The following CHID1 variants were observed in gnomAD, a reference collection of about 807,000 sequenced individuals.
The protein encoded by CHID1 is chitinase domain containing 1.
Under a neutral mutation model 55.4 loss-of-function variants are expected in CHID1, and 44 were observed. That is an observed-to-expected ratio of 0.79 (90% CI 0.62 to 1.02). The LOEUF is 1.02. Among genes scored for constraint, CHID1 ranks in the 50% least tolerant of loss-of-function variants. The pLI, the probability that CHID1 is intolerant of heterozygous loss-of-function variation, is 0.00. For missense variants in CHID1, 491 were observed against 515.3 expected (o/e 0.95, Z 0.46); for synonymous variants, 216 against 212.9 (o/e 1.01, Z -0.13).
At chr11:910,552 C>T in intron 1 of CHID1, 1 of 1,069,926 alleles carries the variant, frequency 9.3e-7, no homozygotes, top group South Asian at 1.7e-5. Flanking sequence ...CCCGCTCTCG[C>T]TCACCCTCGC....
rs75813514 is a variant in CHID1 at position 869,158 on chromosome 11, C to T, written c.*700G>A. 10,567 of 152,714 alleles carry T rather than the reference C, an allele frequency of 0.069. 441 individuals carry two copies. The highest frequency in any genetic ancestry group is 0.15 in the South Asian group (706 of 4,826). The allele number at this position is 152,714 out of a possible 1,614,324, so 9.5% of individuals were successfully genotyped here. On this transcript the variant is annotated 3_prime_UTR_variant, in exon 13 of 13. Coordinates refer to ENST00000323578, the MANE Select transcript of CHID1 (RefSeq NM_023947.4). ...TCCCGATATGGCCCACGGGTCCTGC[C>T]GTTGCCCCTCACCATGCTCCCTGAT...
chr11:912,530 GC>G (rs1330372991), upstream of CHID1, among the ~76,000 whole-genome samples: 2 of 152,062 alleles, frequency 1.3e-5, no homozygotes, highest in Non-Finnish European at 2.9e-5. Context: ...GTGCCAATGG[GC>G]CCCGTGTACC....
At chr11:910,704 GC>G in intron 1 of CHID1, 70 bp downstream of exon 1, 1 of 1,258,706 alleles carries the variant, frequency 7.9e-7, no homozygotes, top group Non-Finnish European at 1.0e-6. Flanking sequence ...TGCCCGGCGC[GC>G]CCACTTTGCG....
At chr11:900,193 C>A in intron 5 of CHID1, 83 bp from the exon 6 acceptor site, 2 of 1,099,240 alleles carry the variant, frequency 1.8e-6, no homozygotes, top group Non-Finnish European at 2.7e-6. Flanking sequence ...AAAAAGGCAT[C>A]CCCTTGGCCT....
chr11:901,758 G>A (rs1184897408), intron 4 of CHID1, among the ~76,000 whole-genome samples: 1 of 152,090 alleles, frequency 6.6e-6, no homozygotes, highest in Non-Finnish European at 1.5e-5. Flanking sequence ...AACACTCTGA[G>A]GCACCAACTT....
chr11:884,092 G>T lies in CHID1; in HGVS notation c.779C>A (p.Thr260Asn). The T allele has an allele frequency of 6.2e-7, 1 of 1,614,070 alleles. No homozygotes were observed. Among genetic ancestry groups the T allele is most frequent in the South Asian group, 1.1e-5 (1 of 91,084 alleles). ...CTGATGCGCTGTAGAGTAGTCGTAG[G>T]TCATGAGGCTGAAACCATCCAGCAC... ...APVLDGFSLM[T>N]YDYSTAHQPG... Residue 260 changes from threonine to asparagine, a missense_variant, in exon 9 of 13, where the codon ACC becomes AAC. Thr to Asn is a moderately conservative substitution (Grantham distance 65). Coordinates refer to ENST00000323578, the MANE Select transcript of CHID1 (RefSeq NM_023947.4).
At chr11:908,662 G>A (rs1589913764) in intron 1 of CHID1, 1 of 970,764 alleles carries the variant, frequency 1.0e-6, no homozygotes, top group Non-Finnish European at 1.2e-6. Flanking sequence ...CAGGGAGGAA[G>A]GAAAGGAATG....
At chr11:888,451 T>C (rs969124186) in intron 8 of CHID1, among the ~76,000 whole-genome samples, 1 of 152,164 alleles carries the variant, frequency 6.6e-6, no homozygotes, top group Non-Finnish European at 1.5e-5. Flanking sequence ...CCCAGACACA[T>C]GCGAGAGCCG....
chr11:893,878 T>C (rs1304335797), intron 7 of CHID1, among the ~76,000 whole-genome samples: 1 of 150,048 alleles, frequency 6.7e-6, no homozygotes, highest in Non-Finnish European at 1.5e-5. Context: ...ACGCCGGTAA[T>C]CCCAGCACCT....
chr11:914,583 C>G, upstream of CHID1: 1 of 1,289,328 alleles, frequency 7.8e-7, no homozygotes, highest in Non-Finnish European at 1.0e-6. Context: ...CAAAAGCACT[C>G]GAAGGCTGGG....
intron 2 of CHID1, among the ~76,000 whole-genome samples, chr11:903,461 A>G (rs1302788182): frequency 6.6e-6 from 1 of 152,214 alleles, no homozygotes; most frequent in Admixed American, 6.5e-5. Flanking sequence ...CGGGCACTCC[A>G]GGGCCATACG....
At chr11:889,973 A>G (rs953836076) in intron 8 of CHID1, among the ~76,000 whole-genome samples, 3 of 145,690 alleles carry the variant, frequency 2.1e-5, no homozygotes, top group Admixed American at 6.8e-5. Flanking sequence ...TGCTGCTGGC[A>G]TCCTCGCCCC....
At chr11:879,989 A>T (rs1849787536) in intron 10 of CHID1, among the ~76,000 whole-genome samples, 1 of 152,134 alleles carries the variant, frequency 6.6e-6, no homozygotes, top group Non-Finnish European at 1.5e-5. Flanking sequence ...ATGGTGGGGG[A>T]GGGTGCAGCA....
At chr11:870,642 G>A (rs1378275200) in intron 10 of CHID1, 143 bp from the exon 11 acceptor site, 2 of 634,144 alleles carry the variant, frequency 3.2e-6, no homozygotes, top group Non-Finnish European at 5.7e-6. Flanking sequence ...ACAACACCTG[G>A]TGGGGTGGCC....
At chr11:903,871 G>A in intron 2 of CHID1, 1 of 192,608 alleles carries the variant, frequency 5.2e-6, no homozygotes, top group Non-Finnish European at 1.1e-5. Flanking sequence ...GACCCTGCTG[G>A]CCAACCACTG....
chr11:880,736 C>T (rs1849855346), intron 10 of CHID1, among the ~76,000 whole-genome samples: 1 of 152,034 alleles, frequency 6.6e-6, no homozygotes, highest in Non-Finnish European at 1.5e-5. Flanking sequence ...ACGCACACAC[C>T]CCTCACGGAG....
At chr11:876,504 G>A (rs1418360421) in intron 10 of CHID1, among the ~76,000 whole-genome samples, 6 of 152,188 alleles carry the variant, frequency 3.9e-5, no homozygotes, top group African/African-American at 9.7e-5. Flanking sequence ...CCGTCCACTC[G>A]TAGACGGGAC....
At chr11:870,321 C>T (rs1565157356) in intron 11 of CHID1, 98 bp downstream of exon 11, 2 of 1,334,684 alleles carry the variant, frequency 1.5e-6, no homozygotes, top group East Asian at 2.5e-5. Context: ...AGCTCGTGAC[C>T]CTGAGACCCC....
At chr11:897,434 C>A (rs991121927) in intron 7 of CHID1, among the ~76,000 whole-genome samples, 1 of 152,222 alleles carries the variant, frequency 6.6e-6, no homozygotes, top group South Asian at 2.1e-4. Context: ...TGGAAGCAGG[C>A]GGGCTCTGTC....
Sources: allele counts gnomAD v4.1 joint callset (sites outside exome capture counted in the v4.1 genomes callset), GRCh38; gene constraint gnomAD v4.1.1; transcripts MANE v1.5; gene names NCBI Gene and HGNC (gene_info 2026-07-23, HGNC 2026-07-21).